Variants in SEPTIN10 observed in about 807,000 individuals in gnomAD.
SEPTIN10 encodes septin 10.
A neutral mutation model predicts 54.8 loss-of-function variants in SEPTIN10; 66 were observed. That is an observed-to-expected ratio of 1.21 (90% confidence interval 0.99 to 1.48). The LOEUF (loss-of-function observed/expected upper bound fraction) is 1.48, where lower values mean the gene tolerates loss of function less well. Ranked by LOEUF, SEPTIN10 falls within the 40% of genes most tolerant of loss-of-function variation. SEPTIN10 has a pLI of 0.00. For missense variants in SEPTIN10, 620 were observed against 545.6 expected (o/e 1.14, Z -1.36); for synonymous variants, 161 against 181.0 (o/e 0.89, Z 0.89).
At chr2:109,584,125 C>A (rs2105749615) in intron 4 of SEPTIN10, among the ~76,000 whole-genome samples, 1 of 152,122 alleles carries the variant, frequency 6.6e-6, no homozygotes, top group East Asian at 1.9e-4. Context: ...TGCAAATGTA[C>A]CCCAAATCTA....
At position 109,566,156 on chromosome 2, in the gene SEPTIN10, T is replaced by C. The variant is rs149573573; in HGVS notation, c.763-297A>G. On this transcript the variant is annotated intron_variant, in intron 6 of 10. Transcript: ENST00000397712. ...ATTTTTTTGAGACAGAGTCTTACTC[T>C]GTCGCCCAAGCTGAAGTGCAGTGAC... 4.0e-3 allele frequency among the ~76,000 whole-genome samples: 613 copies of C among 152,256 alleles called. 6 individuals are homozygous for C. The highest frequency in any genetic ancestry group is 0.014 in the African/African-American group (570 of 41,550).
At chr2:109,597,310 G>C (rs747754095) in intron 1 of SEPTIN10, among the ~76,000 whole-genome samples, 15 of 152,206 alleles carry the variant, frequency 9.9e-5, no homozygotes, top group Non-Finnish European at 2.2e-4. Flanking sequence ...CCCTCTAATG[G>C]CAAACAGAGC....
intron 3 of SEPTIN10, 54 bp from the exon 4 acceptor site, chr2:109,585,375 A>T: frequency 7.1e-7 from 1 of 1,409,644 alleles, no homozygotes; most frequent in East Asian, 2.3e-5. Context: ...GAAAAGAAAT[A>T]CAACTGTAAA....
At chr2:109,576,246 G>A (rs567172340) in intron 4 of SEPTIN10, among the ~76,000 whole-genome samples, 5 of 152,030 alleles carry the variant, frequency 3.3e-5, no homozygotes, top group Non-Finnish European at 5.9e-5. Flanking sequence ...AGGTGACAAC[G>A]CAAGATTGTT....
intron 10 of SEPTIN10, chr2:109,545,378 C>T: frequency 6.6e-7 from 1 of 1,522,176 alleles, no homozygotes; most frequent in East Asian, 2.5e-5. Flanking sequence ...CTGATTTTAA[C>T]ACATACCCCA....
intron 5 of SEPTIN10, among the ~76,000 whole-genome samples, chr2:109,569,738 G>C (rs1446432432): frequency 1.3e-5 from 2 of 152,090 alleles, no homozygotes; most frequent in Non-Finnish European, 2.9e-5. Context: ...ATAATTGCTT[G>C]CACAATAAAC....
intron 1 of SEPTIN10, among the ~76,000 whole-genome samples, chr2:109,603,296 G>A (rs1449793808): frequency 2.0e-5 from 3 of 151,460 alleles, no homozygotes; most frequent in East Asian, 1.9e-4. Flanking sequence ...GTGCAGTGGC[G>A]CAATCTCGGC....
At chr2:109,584,201 G>A (rs1186447418) in intron 4 of SEPTIN10, among the ~76,000 whole-genome samples, 5 of 152,108 alleles carry the variant, frequency 3.3e-5, no homozygotes, top group Non-Finnish European at 7.4e-5. Flanking sequence ...ATAAGACTGG[G>A]CGCAGTTGCT....
intron 5 of SEPTIN10, among the ~76,000 whole-genome samples, chr2:109,573,741 T>G (rs1388807745): frequency 3.9e-5 from 6 of 152,234 alleles, no homozygotes; most frequent in Admixed American, 2.0e-4. Flanking sequence ...AATGTAAGAT[T>G]ACTGTCTTTA....
intron 1 of SEPTIN10, among the ~76,000 whole-genome samples, chr2:109,604,543 T>C (rs952552896): frequency 1.3e-5 from 2 of 151,724 alleles, no homozygotes; most frequent in East Asian, 2.0e-4. Context: ...CTGGCTAACA[T>C]GGTGAAACCC....
chr2:109,613,663 G>T, intron 1 of SEPTIN10, 135 bp downstream of exon 1: 1 of 559,272 alleles, frequency 1.8e-6, no homozygotes, highest in Non-Finnish European at 2.6e-6. Flanking sequence ...AAGCCGGGGA[G>T]CACTGGGCGG....
In SEPTIN10 at chr2:109,586,395, G is replaced by A. The variant is rs868193224; in HGVS notation, c.100-557C>T. Among the ~76,000 whole-genome samples, 11 of 152,034 alleles carry A rather than the reference G, an allele frequency of 7.2e-5. 1 individual carries two copies. Among genetic ancestry groups the A allele is most frequent in the Middle Eastern group, 3.4e-3 (1 of 294 alleles). On this transcript the variant is annotated intron_variant, in intron 2 of 10. Coordinates refer to ENST00000397712, the MANE Select transcript of SEPTIN10 (RefSeq NM_144710.5). ...GAAGGAAACTTATCAGGTGAGATGA[G>A]TTTATCTAGCTTTTTCCCTGAAGGC...
intron 1 of SEPTIN10, among the ~76,000 whole-genome samples, chr2:109,610,386 C>G (rs1010323910): frequency 2.0e-5 from 3 of 152,094 alleles, no homozygotes; most frequent in African/African-American, 7.2e-5. Flanking sequence ...CTGCGCCCAG[C>G]CACTTCCCTG....
At chr2:109,594,383 G>T (rs1401946566) in intron 1 of SEPTIN10, among the ~76,000 whole-genome samples, 1 of 152,064 alleles carries the variant, frequency 6.6e-6, no homozygotes, top group Non-Finnish European at 1.5e-5. Flanking sequence ...AGACCCTTAC[G>T]CATCCTTCCA....
In SEPTIN10 at chr2:109,613,957, C is replaced by A; in HGVS notation, c.-130G>T. 2 of 1,019,796 alleles carry A rather than the reference C, an allele frequency of 2.0e-6. No individual in the cohort carries two copies. Among genetic ancestry groups the A allele is most frequent in the East Asian group, 8.3e-5 (1 of 12,024 alleles). The allele number at this position is 1,019,796 out of a possible 1,614,324, so 63.2% of individuals were successfully genotyped here. A position where few individuals can be genotyped will look rare whatever the true frequency, so the allele number is the denominator to read the frequency against. ...GCGCGAGGCTAGGCTGCCTCCGCGA[C>A]GGGGAAGGGACAGGGGCGGGGCCGA... On this transcript the variant is annotated 5_prime_UTR_variant, in exon 1 of 11. Transcript: ENST00000397712.
chr2:109,591,039 G>A (rs913006724), intron 2 of SEPTIN10, among the ~76,000 whole-genome samples: 1 of 152,184 alleles, frequency 6.6e-6, no homozygotes, highest in Non-Finnish European at 1.5e-5. Context: ...GTTTTAAGCC[G>A]CTAAATTTGT....
intron 5 of SEPTIN10, among the ~76,000 whole-genome samples, chr2:109,570,758 G>A (rs1026328876): frequency 5.3e-5 from 8 of 152,006 alleles, no homozygotes; most frequent in African/African-American, 1.5e-4. Flanking sequence ...TCCTGACCTC[G>A]TGATCCACCT....
At chr2:109,605,431 C>T (rs1697718968) in intron 1 of SEPTIN10, 1 of 152,116 alleles carries the variant, frequency 6.6e-6, no homozygotes, top group Admixed American at 6.6e-5. Flanking sequence ...GATCGTACCA[C>T]TGCACTCTAC....
intron 9 of SEPTIN10, among the ~76,000 whole-genome samples, 199 bp from the exon 10 acceptor site, chr2:109,546,436 A>G (rs1681270445): frequency 6.6e-6 from 1 of 152,158 alleles, no homozygotes; most frequent in Admixed American, 6.5e-5. Context: ...AATTTAAATG[A>G]GTTCCCATGC....
Sources: gnomAD v4.1 joint callset for allele counts (sites outside exome capture counted in the v4.1 genomes callset) on GRCh38, gnomAD v4.1.1 for gene constraint, MANE v1.5 for transcripts, NCBI Gene and HGNC (gene_info 2026-07-23, HGNC 2026-07-21) for gene names.